Variants in MAX observed in about 807,000 individuals in gnomAD.
The protein encoded by MAX is protein max.
In MAX, 3 loss-of-function variants were observed where a neutral mutation model predicts 22.3. The observed-to-expected ratio is 0.13, with a 90% CI of 0.06 to 0.35. The LOEUF is 0.35. MAX is among the 10% of genes least tolerant of loss of function. The pLI is 1.00. For missense variants in MAX, 119 were observed against 209.4 expected, an observed-to-expected ratio of 0.57 and a Z score of 2.66; for synonymous variants, 72 against 77.7, an observed-to-expected ratio of 0.93 and a Z score of 0.39.
intron 3 of MAX, among the ~76,000 whole-genome samples, chr14:65,041,707 C>T (rs1232544325): frequency 6.6e-6 from 1 of 152,164 alleles, no homozygotes; most frequent in African/African-American, 2.4e-5. Flanking sequence ...AGTGTCTTGC[C>T]TCCACCTTCA....
Position 65,027,516 on chromosome 14 carries a change from G to A in MAX, c.172-21232C>T. The A allele has an allele frequency of 6.2e-7, 1 of 1,614,224 alleles. No individual in the cohort carries two copies. The highest frequency in any genetic ancestry group is 8.5e-7 in the Non-Finnish European group (1 of 1,180,042). ...GTGGCTTTGGAGGAGGACCCGGTCA[G>A]TATCCACACCTTGCACCCACATATG... On this transcript the variant is annotated intron_variant, in intron 3 of 3. Transcript: ENST00000341653. This position sits in a 1 kb window ranked among gnomAD's most constrained non-coding sequence, Gnocchi z 5.7.
Position 65,084,371 on chromosome 14 carries a change from G to T in MAX, c.172-6335C>A. ...ATAGAATACAAAATTACTAACTTTT[G>T]TTTACTGAATTAGTTACCCTCTTCC... On this transcript the variant is annotated intron_variant, in intron 3 of 4. Transcript: ENST00000358664. The surrounding 1 kb of genome is among the most constrained non-coding windows in gnomAD (Gnocchi z 4.3). 1 of 972,392 alleles carries T rather than the reference G, an allele frequency of 1.0e-6. No homozygotes were observed. Among genetic ancestry groups the T allele is most frequent in the Non-Finnish European group, 1.6e-6 (1 of 618,590 alleles). 60.2% of individuals were successfully genotyped at this position (972,392 alleles called of 1,614,324 possible).
At chr14:65,016,423 G>A (rs896341644) in intron 3 of MAX, 2 of 152,252 alleles carry the variant, frequency 1.3e-5, no homozygotes, top group African/African-American at 4.8e-5. Context: ...GGATCCAAGA[G>A]ATCCACTGAG....
Position 65,077,593 on chromosome 14 carries a change from C to A in MAX, c.295+320G>T. 1 of 995,094 alleles carries A rather than the reference C, an allele frequency of 1.0e-6. No homozygotes were observed. The highest frequency in any genetic ancestry group is 1.6e-6 in the Non-Finnish European group (1 of 637,814). The allele number at this position is 995,094 out of a possible 1,614,324, so 61.6% of individuals were successfully genotyped here. A position where few individuals can be genotyped will look rare whatever the true frequency, so the allele number is the denominator to read the frequency against. On this transcript the variant is annotated intron_variant, in intron 4 of 4. Coordinates refer to ENST00000358664, the MANE Select transcript of MAX (RefSeq NM_002382.5). The surrounding 1 kb of genome is among the most constrained non-coding windows in gnomAD (Gnocchi z 6.3). The stretch of plus-strand genomic sequence containing the variant: ...ACATTCCACTCCAAGGACCTCAAAG[C>A]TCTTTTCAGACACCTGATGCCAGGT...
downstream of MAX, among the ~76,000 whole-genome samples, chr14:65,070,603 C>A (rs1398676161): frequency 1.3e-5 from 2 of 152,224 alleles, no homozygotes; most frequent in Non-Finnish European, 2.9e-5. The surrounding 1 kb of genome is among the most constrained non-coding windows in gnomAD (Gnocchi z 4.4). Context: ...TCTAGACACG[C>A]CCATCCTGCT....
Position 65,031,403 on chromosome 14 carries a change from C to T in MAX, c.172-25119G>A, listed in dbSNP as rs567190904. Among the ~76,000 whole-genome samples, 21 of 151,628 alleles carry T rather than the reference C, an allele frequency of 1.4e-4. No homozygotes were observed. Among genetic ancestry groups the T allele is most frequent in the Admixed American group, 1.1e-3 (16 of 15,236 alleles). On this transcript the variant is annotated intron_variant, in intron 3 of 3. Coordinates refer to the MAX transcript ENST00000341653. This position sits in a 1 kb window ranked among gnomAD's most constrained non-coding sequence, Gnocchi z 4.6. ...CATGATCTTGGCTCACTGCAACCCC[C>T]GCCTCCCGGGTTCAAGTGGTTCTCC...
rs1462777640 is a variant in MAX at position 65,020,525 on chromosome 14, A to G, written c.172-14241T>C. 3.9e-5 allele frequency among the ~76,000 whole-genome samples: 6 copies of G among 152,048 alleles called. 1 individual carries two copies. Among genetic ancestry groups the G allele is most frequent in the Non-Finnish European group, 8.8e-5 (6 of 67,986 alleles). On this transcript the variant is annotated intron_variant, in intron 3 of 3. Coordinates refer to the MAX transcript ENST00000341653. The stretch of plus-strand genomic sequence containing the variant: ...ACTGCAACCTCCACCTCCTGGGTTC[A>G]AGCAATTCTCCTGCCTCGGCCTCCC...
chr14:65,032,730 G>T lies in MAX; in HGVS notation c.172-26446C>A. On this transcript the variant is annotated intron_variant, in intron 3 of 3. Transcript: ENST00000341653. This position sits in a 1 kb window ranked among gnomAD's most constrained non-coding sequence, Gnocchi z 5.0. Reference sequence around the variant, plus strand: ...AGCCAGGGTTTCTCCTGGCCTCTTGGAGAGCAGGCGGTCACGACACTACTT... The same window carrying T: ...AGCCAGGGTTTCTCCTGGCCTCTTGTAGAGCAGGCGGTCACGACACTACTT... 6.2e-7 allele frequency: 1 copy of T among 1,602,718 alleles called. No individual in the cohort carries two copies. Among genetic ancestry groups the T allele is most frequent in the South Asian group, 1.1e-5 (1 of 89,520 alleles).
In MAX at chr14:65,027,760, T is replaced by G; in HGVS notation, c.172-21476A>C. ...CCTGACGGCTCCTTTCTCATGCATG[T>G]CGGAGGTGAGGTGGATGTGAGGTGA... On this transcript the variant is annotated intron_variant, in intron 3 of 3. Coordinates refer to the MAX transcript ENST00000341653. The surrounding 1 kb of genome is among the most constrained non-coding windows in gnomAD (Gnocchi z 5.7). 1 of 1,614,076 alleles carries G rather than the reference T, an allele frequency of 6.2e-7. No homozygotes were observed. The highest frequency in any genetic ancestry group is 8.5e-7 in the Non-Finnish European group (1 of 1,180,012).
At chr14:65,068,183 C>G (rs2062950234) in intron 3 of MAX, among the ~76,000 whole-genome samples, 1 of 152,024 alleles carries the variant, frequency 6.6e-6, no homozygotes. Context: ...GCCTGTAATC[C>G]CAGCACTTTG....
intron 3 of MAX, among the ~76,000 whole-genome samples, chr14:65,046,309 A>G (rs916586737): frequency 1.3e-5 from 2 of 152,222 alleles, no homozygotes; most frequent in Non-Finnish European, 2.9e-5. Context: ...ACTTGGGGTC[A>G]TGGTGATCTC....
chr14:65,084,452 A>C lies in MAX; in HGVS notation c.172-6416T>G, dbSNP rs1341369157. Among the ~76,000 whole-genome samples, 1 of 152,002 alleles carries C rather than the reference A, an allele frequency of 6.6e-6. No homozygotes were observed. Among genetic ancestry groups the C allele is most frequent in the East Asian group, 1.9e-4 (1 of 5,194 alleles). On this transcript the variant is annotated intron_variant, in intron 3 of 4. Transcript: ENST00000358664. The surrounding 1 kb of genome is among the most constrained non-coding windows in gnomAD (Gnocchi z 4.3). ...GGTACTCTCAAAACACTACCAAAAG[A>C]CTACTCTTTAGAATTTGCTTGAAAA...
In MAX at chr14:65,029,310, G is replaced by C. The variant is rs1480651669; in HGVS notation, c.172-23026C>G. ...TTCTTTCATTGTCCTTTGCCTGGAA[G>C]CATCAGCCAGTCCTCAGGAGTGCTT... is the stretch of plus-strand genomic sequence containing the variant. On this transcript the variant is annotated intron_variant, in intron 3 of 3. Transcript: ENST00000341653. This position sits in a 1 kb window ranked among gnomAD's most constrained non-coding sequence, Gnocchi z 4.7. 1.3e-5 allele frequency among the ~76,000 whole-genome samples: 2 copies of C among 152,208 alleles called. No individual in the cohort carries two copies. Among genetic ancestry groups the C allele is most frequent in the Non-Finnish European group, 2.9e-5 (2 of 68,040 alleles).
At chr14:65,019,054 C>T (rs752630350) in intron 3 of MAX, among the ~76,000 whole-genome samples, 14 of 151,990 alleles carry the variant, frequency 9.2e-5, no homozygotes, top group South Asian at 2.1e-4. Flanking sequence ...ACTGCACTCC[C>T]GGCTCCTACT....
rs1273682749 is a variant in MAX at position 65,069,386 on chromosome 14, TCTCA to T, written c.171+24318_171+24321del. The stretch of plus-strand genomic sequence containing the variant: ...TGCCCCTCCCATAGTGCCAAACCGC[TCTCA>T]CTGAGGGCCCATCTCCTGAACTCCT... On this transcript the variant is annotated intron_variant, in intron 3 of 3. Transcript: ENST00000341653. This position sits in a 1 kb window ranked among gnomAD's most constrained non-coding sequence, Gnocchi z 4.6. 6.6e-6 allele frequency among the ~76,000 whole-genome samples: 1 copy of T among 152,132 alleles called. No homozygotes were observed. The highest frequency in any genetic ancestry group is 1.5e-5 in the Non-Finnish European group (1 of 68,020).
chr14:65,008,284 C>T (rs139200459), intron 3 of MAX, among the ~76,000 whole-genome samples: 1 of 152,152 alleles, frequency 6.6e-6, no homozygotes, highest in African/African-American at 2.4e-5. Context: ...CCAGGATGGC[C>T]CAGGTTTGGG....
At chr14:65,097,963 T>A (rs1487288088) in intron 2 of MAX, among the ~76,000 whole-genome samples, 1 of 152,206 alleles carries the variant, frequency 6.6e-6, no homozygotes, top group Non-Finnish European at 1.5e-5. Context: ...GTTTTCAAAC[T>A]TTTTTCTTTT....
In MAX at chr14:65,075,776, CGA is replaced by C; in HGVS notation, c.*698_*699del. On this transcript the variant is annotated 3_prime_UTR_variant, in exon 5 of 5. Coordinates refer to ENST00000358664, the MANE Select transcript of MAX (RefSeq NM_002382.5). The surrounding 1 kb of genome is among the most constrained non-coding windows in gnomAD (Gnocchi z 4.1). ...CTGCTGCCATCTCCCATACATACCACGAGAGTGTCACACGGCCCTCCGTGAGG... is the reference window on the plus strand; with the variant it reads ...CTGCTGCCATCTCCCATACATACCACGAGTGTCACACGGCCCTCCGTGAGG... 4.7e-6 allele frequency: 5 copies of C among 1,066,602 alleles called. No homozygotes were observed. The highest frequency in any genetic ancestry group is 5.7e-6 in the Non-Finnish European group (5 of 880,002). The allele number at this position is 1,066,602 out of a possible 1,614,324, so 66.1% of individuals were successfully genotyped here.
intron 3 of MAX, among the ~76,000 whole-genome samples, chr14:65,037,919 A>G (rs1256160363): frequency 6.6e-6 from 1 of 151,660 alleles, no homozygotes; most frequent in Non-Finnish European, 1.5e-5. Context: ...AGCTGGGATT[A>G]TAGGCGTGCG....
Sources: gnomAD v4.1 joint callset for allele counts (sites outside exome capture counted in the v4.1 genomes callset) on GRCh38, gnomAD v4.1.1 for gene constraint, Gnocchi (gnomAD v3.1) non-coding constraint, MANE v1.5 for transcripts, NCBI Gene and HGNC (gene_info 2026-07-23, HGNC 2026-07-21) for gene names.